Variants in SVEP1 observed in about 807,000 individuals in gnomAD.
SVEP1 encodes sushi, von Willebrand factor type A, EGF and pentraxin domain-containing protein 1.
SVEP1 carries 164 observed loss-of-function variants against 367.3 expected under a neutral mutation model. The ratio of observed to expected loss-of-function variants is 0.45; its 90% CI spans 0.39 to 0.51. The LOEUF is 0.51. Ranked by LOEUF, SVEP1 falls within the 20% of genes least tolerant of loss-of-function variation. The probability of loss-of-function intolerance (pLI) is 0.00; values close to 1 mark genes in which losing one functional copy is unlikely to be tolerated. For synonymous variants in SVEP1, 1,666 were observed against 1,611.6 expected, an observed-to-expected ratio of 1.03 and a Z score of -0.81; for missense variants, 4,117 against 4,425.3, an observed-to-expected ratio of 0.93 and a Z score of 1.98.
rs747569183 is a variant in SVEP1 at position 110,471,337 on chromosome 9, AT to A, written c.2998+26del. Reference sequence around the variant, plus strand: ...TCATTTGACCCAGTATGCACCAAATATTTTTGATCACAGGGAACAGTCTTAC... The same window carrying A: ...TCATTTGACCCAGTATGCACCAAATATTTTGATCACAGGGAACAGTCTTAC... On this transcript the variant is annotated intron_variant, in intron 16 of 47. Transcript: ENST00000374469. 5.0e-6 allele frequency: 8 copies of A among 1,596,872 alleles called. No homozygotes were observed. In the East Asian group the frequency reaches 1.6e-4, roughly 31 times the overall value.
At chr9:110,544,481 C>A (rs1040419440) in intron 3 of SVEP1, among the ~76,000 whole-genome samples, 1 of 152,070 alleles carries the variant, frequency 6.6e-6, no homozygotes, top group East Asian at 1.9e-4. Context: ...TTAAAATATT[C>A]GATTTTCTTA....
At chr9:110,454,841 A>G (rs1242770669) in intron 22 of SVEP1, among the ~76,000 whole-genome samples, 1 of 152,148 alleles carries the variant, frequency 6.6e-6, no homozygotes, top group Non-Finnish European at 1.5e-5. Context: ...CTGCAAAACT[A>G]CATATTAGGT....
intron 47 of SVEP1, among the ~76,000 whole-genome samples, chr9:110,368,166 G>A (rs979989413): frequency 1.3e-5 from 2 of 152,096 alleles, no homozygotes; most frequent in Non-Finnish European, 2.9e-5. Flanking sequence ...AGGAGACCCT[G>A]GAAGAGGTGG....
chr9:110,516,463 T>C (rs916978248), intron 3 of SVEP1, among the ~76,000 whole-genome samples: 1 of 151,902 alleles, frequency 6.6e-6, no homozygotes, highest in African/African-American at 2.4e-5. Flanking sequence ...TGATAAATAA[T>C]TTAGCATAAA....
chr9:110,445,459 A>T (rs1405325836), intron 26 of SVEP1, among the ~76,000 whole-genome samples: 4 of 152,220 alleles, frequency 2.6e-5, no homozygotes, highest in Non-Finnish European at 5.9e-5. Flanking sequence ...AAAGAGCATC[A>T]GTATTTGAGT....
intron 8 of SVEP1, among the ~76,000 whole-genome samples, chr9:110,492,797 T>A (rs1829388649): frequency 1.3e-5 from 2 of 151,950 alleles, no homozygotes; most frequent in Non-Finnish European, 2.9e-5. Context: ...GAGACCAGCA[T>A]CCCATTCCCA....
chr9:110,511,459 C>G lies in SVEP1; in HGVS notation c.1303+1467G>C, dbSNP rs1263341364. Among the ~76,000 whole-genome samples, 4 of 89,360 alleles carry G rather than the reference C, an allele frequency of 4.5e-5. No individual in the cohort carries two copies. In the Admixed American group the frequency reaches 4.7e-4, roughly 10 times the overall value. The allele number at this position is 89,360 out of a possible 152,430, so 58.6% of individuals were successfully genotyped here. A position where few individuals can be genotyped will look rare whatever the true frequency, so the allele number is the denominator to read the frequency against. ...GTTTTCTAATTTATTAATTTGACTT[C>G]TAACTAGGTCCATTCATTGTGTCAG... On this transcript the variant is annotated intron_variant, in intron 5 of 47. Coordinates refer to ENST00000374469, the MANE Select transcript of SVEP1 (RefSeq NM_153366.4).
chr9:110,535,256 C>T (rs564532301), intron 3 of SVEP1, among the ~76,000 whole-genome samples: 55 of 152,198 alleles, frequency 3.6e-4, no homozygotes, highest in African/African-American at 1.3e-3. Flanking sequence ...TATCCCAGCA[C>T]AATTTATTGA....
chr9:110,366,828 C>G (rs924875131), intron 47 of SVEP1, among the ~76,000 whole-genome samples: 1 of 152,188 alleles, frequency 6.6e-6, no homozygotes, highest in African/African-American at 2.4e-5. Flanking sequence ...TTACAATTCT[C>G]TCTTCTGTAA....
chr9:110,545,081 C>T (rs574255373), intron 3 of SVEP1, among the ~76,000 whole-genome samples: 16 of 152,252 alleles, frequency 1.1e-4, no homozygotes, highest in African/African-American at 3.9e-4. Context: ...CACGTTGCCA[C>T]GAATGATAGG....
At chr9:110,434,680 A>AAAAAAAAAAAAAAAAAAAAAAAAC (rs1828406345) in intron 29 of SVEP1, among the ~76,000 whole-genome samples, 174 bp from the exon 30 acceptor site, 1 of 150,274 alleles carries the variant, frequency 6.7e-6, no homozygotes, top group Non-Finnish European at 1.5e-5. Context: ...AAAAAAAAAA[A>AAAAAAAAAAAAAAAAAAAAAAAAC]AAAAAAGCAT....
chr9:110,513,070 C>G lies in SVEP1; in HGVS notation c.1159G>C (p.Gly387Arg). The change falls in exon 5 of 48, where the codon GGT becomes CGT. Residue 387 changes from glycine to arginine, a missense_variant. This residue lies in a region of SVEP1 where 2,174 missense variants were observed against 2,494.3 expected (regional missense o/e 0.87). Coordinates refer to ENST00000374469, the MANE Select transcript of SVEP1 (RefSeq NM_153366.4). ...HCPALKPPEN[G>R]YFIQNTCNNH... Reference sequence around the variant, plus strand: ...TTGCAAGTGTTTTGGATAAAGTAACCATTTTCGGGAGGCTTCAGGGCAGGG... The same window carrying G: ...TTGCAAGTGTTTTGGATAAAGTAACGATTTTCGGGAGGCTTCAGGGCAGGG... 1 of 1,613,868 alleles carries G rather than the reference C, an allele frequency of 6.2e-7. No homozygotes were observed. Among genetic ancestry groups the G allele is most frequent in the Non-Finnish European group, 8.5e-7 (1 of 1,179,832 alleles).
chr9:110,475,466 T>C (rs1829084658), intron 14 of SVEP1, among the ~76,000 whole-genome samples: 3 of 152,190 alleles, frequency 2.0e-5, no homozygotes, highest in Admixed American at 1.3e-4. Context: ...GATTTAGACT[T>C]AAGTAGTTGG....
At chr9:110,524,321 TA>T (rs1829914689) in intron 3 of SVEP1, among the ~76,000 whole-genome samples, 1 of 152,260 alleles carries the variant, frequency 6.6e-6, no homozygotes, top group Admixed American at 6.5e-5. Context: ...AAGCTAGTGT[TA>T]CCCTGATACC....
intron 5 of SVEP1, among the ~76,000 whole-genome samples, chr9:110,508,488 G>C (rs947410386): frequency 6.6e-6 from 1 of 152,114 alleles, no homozygotes; most frequent in Admixed American, 6.5e-5. Context: ...CTGGCCGGGT[G>C]CGGTGGCTCA....
Position 110,377,352 on chromosome 9 carries a change from G to T in SVEP1, c.10423C>A (p.Pro3475Thr). 6.2e-7 allele frequency: 1 copy of T among 1,613,738 alleles called. No individual in the cohort carries two copies. Among genetic ancestry groups the T allele is most frequent in the Non-Finnish European group, 8.5e-7 (1 of 1,179,702 alleles). The change falls in exon 45 of 48, where the codon CCA becomes ACA. Residue 3475 changes from proline (P) to threonine (T), a missense_variant. By Grantham distance (38) the Pro-to-Thr change is conservative. This residue lies in a region of SVEP1 where 1,765 missense variants were observed against 1,781.1 expected (regional missense o/e 0.99). Transcript: ENST00000374469. Reference protein sequence around the residue: ...PPICRAVCRFPCQNGGICQRP... With the variant: ...PPICRAVCRFTCQNGGICQRP... The stretch of plus-strand genomic sequence containing the variant: ...TGGCAGATGCCCCCATTCTGACATG[G>T]AAATCGACAGACAGCTGGAAAAGAA...
At chr9:110,559,012 G>C (rs1358452222) in intron 1 of SVEP1, among the ~76,000 whole-genome samples, 2 of 151,782 alleles carry the variant, frequency 1.3e-5, no homozygotes, top group African/African-American at 2.4e-5. Context: ...TTTTTGCTTT[G>C]CTTATCAATA....
At chr9:110,485,225 A>G (rs1450672278) in intron 9 of SVEP1, among the ~76,000 whole-genome samples, 1 of 152,274 alleles carries the variant, frequency 6.6e-6, no homozygotes, top group Non-Finnish European at 1.5e-5. Context: ...AAATTGTGGT[A>G]CATAGACACC....
At chr9:110,448,978 TG>T (rs1460858708) in intron 24 of SVEP1, among the ~76,000 whole-genome samples, 1 of 152,204 alleles carries the variant, frequency 6.6e-6, no homozygotes, top group Non-Finnish European at 1.5e-5. Context: ...ATGTTGCAAT[TG>T]GGCTAGATCT....
Sources: allele counts gnomAD v4.1 joint callset (sites outside exome capture counted in the v4.1 genomes callset), GRCh38; gene constraint gnomAD v4.1.1; regional missense constraint gnomAD v4.1.1; transcripts MANE v1.5; gene names NCBI Gene and HGNC (gene_info 2026-07-23, HGNC 2026-07-21).